The following UNC5D variants were observed in gnomAD, a reference collection of about 807,000 sequenced individuals.
UNC5D encodes unc-5 netrin receptor D.
UNC5D carries 39 observed loss-of-function variants against 105.4 expected under a neutral mutation model. The observed-to-expected ratio is 0.37, with a 90% confidence interval of 0.29 to 0.48. The LOEUF is 0.48. Ranked by LOEUF, UNC5D falls within the 20% of genes least tolerant of loss-of-function variation. UNC5D has a pLI of 0.98. For missense variants in UNC5D, 991 were observed against 1,202.4 expected, an observed-to-expected ratio of 0.82 and a Z score of 2.60; for synonymous variants, 452 against 450.4, an observed-to-expected ratio of 1.00 and a Z score of -0.04.
intron 4 of UNC5D, among the ~76,000 whole-genome samples, chr8:35,671,194 T>C (rs1198432924): frequency 6.6e-6 from 1 of 152,182 alleles, no homozygotes; most frequent in East Asian, 1.9e-4. Flanking sequence ...ATCCGTGATC[T>C]CTTGAGTGTC....
At chr8:35,307,402 G>A (rs1180596967) in intron 1 of UNC5D, among the ~76,000 whole-genome samples, 1 of 152,036 alleles carries the variant, frequency 6.6e-6, no homozygotes, top group African/African-American at 2.4e-5. Context: ...CTTTGTTGAG[G>A]GGCCTAGGTG....
At chr8:35,284,963 T>G (rs988552284) in intron 1 of UNC5D, among the ~76,000 whole-genome samples, 1 of 152,160 alleles carries the variant, frequency 6.6e-6, no homozygotes, top group African/African-American at 2.4e-5. Flanking sequence ...CTGGGGTGCT[T>G]TTTTTCCTAT....
chr8:35,598,100 A>T (rs1480365328), intron 4 of UNC5D, among the ~76,000 whole-genome samples: 1 of 152,014 alleles, frequency 6.6e-6, no homozygotes, highest in Non-Finnish European at 1.5e-5. Context: ...TTAAAGGCTT[A>T]CTCAGATATC....
chr8:35,494,331 G>C (rs1209320244), intron 1 of UNC5D, among the ~76,000 whole-genome samples: 1 of 152,160 alleles, frequency 6.6e-6, no homozygotes, highest in East Asian at 1.9e-4. Context: ...TAAACACACT[G>C]TTCTCTAATA....
intron 1 of UNC5D, among the ~76,000 whole-genome samples, chr8:35,480,414 A>G (rs1810406506): frequency 6.6e-6 from 1 of 152,166 alleles, no homozygotes; most frequent in Non-Finnish European, 1.5e-5. Flanking sequence ...AAGAATTCAC[A>G]CTGGATTTTG....
chr8:35,720,473 G>T lies in UNC5D; in HGVS notation c.1118-1737G>T, dbSNP rs144446784. Among the ~76,000 whole-genome samples, 406 of 152,318 alleles carry T rather than the reference G, an allele frequency of 2.7e-3. 2 individuals are homozygous for T. Among genetic ancestry groups the T allele is most frequent in the African/African-American group, 9.2e-3 (382 of 41,568 alleles). On this transcript the variant is annotated intron_variant, in intron 8 of 16. Coordinates refer to ENST00000404895, the MANE Select transcript of UNC5D (RefSeq NM_080872.4). ...AAATGCTAGTTGGTTTTAATCCAAAGTTCCCTCACTGCTTCCCATACACTG... is the reference window on the plus strand; with the variant it reads ...AAATGCTAGTTGGTTTTAATCCAAATTTCCCTCACTGCTTCCCATACACTG...
rs866962273 is a variant in UNC5D, at chr8:35,789,895, A to C, written c.2658-464A>C. Among the ~76,000 whole-genome samples, 1,386 of 142,768 alleles carry C rather than the reference A, an allele frequency of 9.7e-3. 16 individuals carry two copies. Among genetic ancestry groups the C allele is most frequent in the African/African-American group, 0.032 (1,256 of 38,804 alleles). 93.7% of individuals were successfully genotyped at this position (142,768 alleles called of 152,430 possible). A position where few individuals can be genotyped will look rare whatever the true frequency, so the allele number is the denominator to read the frequency against. On this transcript the variant is annotated intron_variant, in intron 16 of 16. Coordinates refer to ENST00000404895, the MANE Select transcript of UNC5D (RefSeq NM_080872.4). Reference sequence around the variant, plus strand: ...ATGTCAAGGGGATAGTCAAGAAGAAAACACACACACACACACACACACACA... The same window carrying C: ...ATGTCAAGGGGATAGTCAAGAAGAACACACACACACACACACACACACACA...
chr8:35,655,042 C>T (rs1020806135), intron 4 of UNC5D, among the ~76,000 whole-genome samples: 1 of 152,150 alleles, frequency 6.6e-6, no homozygotes, highest in African/African-American at 2.4e-5. Flanking sequence ...TTGGACAATA[C>T]ACTTGCTTGT....
intron 1 of UNC5D, among the ~76,000 whole-genome samples, chr8:35,434,377 T>A (rs534571516): frequency 6.6e-6 from 1 of 152,100 alleles, no homozygotes; most frequent in Non-Finnish European, 1.5e-5. Context: ...GAATTTTTTT[T>A]GGGTGGGGGT....
chr8:35,456,414 A>G (rs2128994790), intron 1 of UNC5D, among the ~76,000 whole-genome samples: 1 of 152,316 alleles, frequency 6.6e-6, no homozygotes, highest in South Asian at 2.1e-4. Context: ...CCACACTTTG[A>G]GATCCACTGC....
chr8:35,486,259 G>A (rs1303629012), intron 1 of UNC5D, among the ~76,000 whole-genome samples: 2 of 152,128 alleles, frequency 1.3e-5, no homozygotes, highest in Non-Finnish European at 1.5e-5. Flanking sequence ...TTATGCATAC[G>A]TATGGCTAAA....
chr8:35,726,649 C>G (rs926048928), intron 10 of UNC5D, 120 bp downstream of exon 10: 4 of 1,455,904 alleles, frequency 2.7e-6, no homozygotes, highest in Non-Finnish European at 3.7e-6. Context: ...CCTGCAAACA[C>G]TGCGGCTCCA....
chr8:35,248,166 A>ATT (rs1209467928), intron 1 of UNC5D, among the ~76,000 whole-genome samples: 1 of 25,304 alleles, frequency 4.0e-5, no homozygotes, highest in Non-Finnish European at 5.6e-5. Flanking sequence ...ATAAATATAT[A>ATT]TTATATAATA....
intron 3 of UNC5D, among the ~76,000 whole-genome samples, chr8:35,593,083 AC>A (rs1819275614): frequency 6.6e-6 from 1 of 151,780 alleles, no homozygotes; most frequent in South Asian, 2.1e-4. Context: ...ACACACACAC[AC>A]ACAAATATGT....
intron 7 of UNC5D, among the ~76,000 whole-genome samples, chr8:35,700,316 A>G (rs1827099743): frequency 6.6e-6 from 1 of 151,826 alleles, no homozygotes; most frequent in Non-Finnish European, 1.5e-5. Flanking sequence ...TGTTCCCCCC[A>G]TCTTTTTCTT....
At chr8:35,467,302 A>G (rs913269548) in intron 1 of UNC5D, among the ~76,000 whole-genome samples, 2 of 152,116 alleles carry the variant, frequency 1.3e-5, no homozygotes, top group East Asian at 3.9e-4. Flanking sequence ...TTCTTTCCTC[A>G]ATGCTGAATT....
At chr8:35,602,295 G>A (rs1819943691) in intron 4 of UNC5D, among the ~76,000 whole-genome samples, 1 of 152,126 alleles carries the variant, frequency 6.6e-6, no homozygotes, top group South Asian at 2.1e-4. Flanking sequence ...TTTGGTATCA[G>A]GATGATGCTG....
chr8:35,386,074 C>T (rs1161110797), intron 1 of UNC5D, among the ~76,000 whole-genome samples: 1 of 152,188 alleles, frequency 6.6e-6, no homozygotes, highest in African/African-American at 2.4e-5. Context: ...GGAAACCATA[C>T]TGCATTTGAA....
chr8:35,392,514 T>C (rs1030110780), intron 1 of UNC5D, among the ~76,000 whole-genome samples: 2 of 152,204 alleles, frequency 1.3e-5, no homozygotes, highest in African/African-American at 4.8e-5. Flanking sequence ...CCACCATGCC[T>C]GGCCCCTCCC....
Sources: allele counts gnomAD v4.1 joint callset (sites outside exome capture counted in the v4.1 genomes callset), GRCh38; gene constraint gnomAD v4.1.1; transcripts MANE v1.5; gene names NCBI Gene and HGNC (gene_info 2026-07-23, HGNC 2026-07-21).